Variants in JAK1 observed in about 807,000 individuals in gnomAD.
JAK1 encodes Janus kinase 1, also known as tyrosine-protein kinase JAK1.
JAK1 carries 16 observed loss-of-function variants against 136.6 expected under a neutral mutation model. The observed-to-expected ratio is 0.12, with a 90% CI of 0.08 to 0.18. JAK1 has a LOEUF of 0.18. JAK1 is among the 10% of genes least tolerant of loss of function. The probability of loss-of-function intolerance (pLI) is 1.00; values close to 1 mark genes in which losing one functional copy is unlikely to be tolerated. For synonymous variants in JAK1, 492 were observed against 519.5 expected (o/e 0.95, Z 0.72); for missense variants, 859 against 1,450.1 (o/e 0.59, Z 6.62).
intron 1 of JAK1, among the ~76,000 whole-genome samples, chr1:64,935,349 G>A (rs1157488016): frequency 6.6e-6 from 1 of 152,232 alleles, no homozygotes; most frequent in South Asian, 2.1e-4. Context: ...GCCCAGGCTA[G>A]AGTGCAATGG....
At chr1:64,877,632 A>G (rs1330620092) in intron 4 of JAK1, among the ~76,000 whole-genome samples, 1 of 152,202 alleles carries the variant, frequency 6.6e-6, no homozygotes, top group Non-Finnish European at 1.5e-5. Context: ...AAAAAAAATG[A>G]AAGAGTTGAA....
chr1:64,935,726 T>G (rs1569612151), intron 1 of JAK1, among the ~76,000 whole-genome samples: 1 of 152,252 alleles, frequency 6.6e-6, no homozygotes, highest in Non-Finnish European at 1.5e-5. Context: ...GACAGAATAC[T>G]TGATGTGCTA....
intron 2 of JAK1, among the ~76,000 whole-genome samples, chr1:64,996,183 A>G (rs541560621): frequency 6.6e-6 from 1 of 152,276 alleles, no homozygotes; most frequent in African/African-American, 2.4e-5. Flanking sequence ...CTTACCCCAC[A>G]TGCATTATCA....
At chr1:64,916,345 T>C (rs1358327306) in intron 1 of JAK1, among the ~76,000 whole-genome samples, 1 of 152,036 alleles carries the variant, frequency 6.6e-6, no homozygotes, top group Non-Finnish European at 1.5e-5. Context: ...AAAAAGATAA[T>C]AACAGAAATG....
chr1:64,956,518 T>C (rs1221984247), intron 1 of JAK1, among the ~76,000 whole-genome samples: 1 of 152,210 alleles, frequency 6.6e-6, no homozygotes, highest in Admixed American at 6.5e-5. Context: ...CAGGAGCCCT[T>C]CTCCCAACCC....
At chr1:65,032,786 T>G (rs1274262597) in intron 2 of JAK1, among the ~76,000 whole-genome samples, 1 of 152,214 alleles carries the variant, frequency 6.6e-6, no homozygotes, top group African/African-American at 2.4e-5. Context: ...TTTCTCTATG[T>G]TAGACTGCCC....
intron 1 of JAK1, among the ~76,000 whole-genome samples, chr1:64,931,490 C>T (rs974097788): frequency 4.6e-5 from 7 of 151,996 alleles, no homozygotes; most frequent in Non-Finnish European, 4.4e-5. Context: ...CAGCCCTCCC[C>T]AACCATGGCA....
chr1:64,910,704 A>G (rs1645269399), intron 1 of JAK1, among the ~76,000 whole-genome samples: 1 of 152,012 alleles, frequency 6.6e-6, no homozygotes, highest in African/African-American at 2.4e-5. Context: ...CATGGTGGCG[A>G]GCGCCTGTAG....
In JAK1 at chr1:65,047,072, C is replaced by T. The variant is rs191538742; in HGVS notation, c.-180-2490G>A. ...GGCATCTTGGCACATACCTGTAGTC[C>T]TAGTTACTTGGAGGCTGAGGCAAGA... On this transcript the variant is annotated intron_variant, in intron 1 of 25. Transcript: ENST00000671954. Among the ~76,000 whole-genome samples, 33 of 151,810 alleles carry T rather than the reference C, an allele frequency of 2.2e-4. No homozygotes were observed. In the East Asian group the frequency reaches 6.3e-3, roughly 29 times the overall value.
intron 5 of JAK1, among the ~76,000 whole-genome samples, chr1:64,873,032 G>C (rs1657168755): frequency 6.6e-6 from 1 of 152,006 alleles, no homozygotes; most frequent in African/African-American, 2.4e-5. Context: ...CAGCCCTGTT[G>C]AATTACATCT....
At chr1:64,976,506 G>T (rs1646498659) in intron 2 of JAK1, among the ~76,000 whole-genome samples, 1 of 152,074 alleles carries the variant, frequency 6.6e-6, no homozygotes, top group Non-Finnish European at 1.5e-5. Flanking sequence ...ACTTCCAATT[G>T]GTCTCCATTC....
chr1:64,937,736 A>G (rs1385341656), intron 1 of JAK1, among the ~76,000 whole-genome samples: 1 of 152,206 alleles, frequency 6.6e-6, no homozygotes, highest in East Asian at 1.9e-4. Flanking sequence ...CCTTAAAGCG[A>G]GGTCAAACTG....
At chr1:64,899,750 A>G (rs1645076386) in intron 1 of JAK1, among the ~76,000 whole-genome samples, 1 of 152,224 alleles carries the variant, frequency 6.6e-6, no homozygotes, top group Admixed American at 6.5e-5. Context: ...GGGGATACTC[A>G]TCTGTACAAC....
intron 2 of JAK1, among the ~76,000 whole-genome samples, chr1:64,982,890 C>A (rs11208562): frequency 0.15 from 23,433 of 151,760 alleles, 2,360 homozygotes; most frequent in African/African-American, 0.27. Flanking sequence ...AATGAGAAAA[C>A]AACTTCCCTG....
At chr1:65,044,626 G>A (rs1448149857) in intron 1 of JAK1, among the ~76,000 whole-genome samples, 1 of 152,198 alleles carries the variant, frequency 6.6e-6, no homozygotes, top group Non-Finnish European at 1.5e-5. Context: ...TTGGGAAGTG[G>A]AGCCTGAAAG....
At chr1:64,869,636 G>A (rs1187536957) in intron 5 of JAK1, among the ~76,000 whole-genome samples, 162 bp from the exon 6 acceptor site, 1 of 152,196 alleles carries the variant, frequency 6.6e-6, no homozygotes, top group Non-Finnish European at 1.5e-5. Context: ...AGTTGGGTGT[G>A]AAGGGGCTCA....
intron 2 of JAK1, among the ~76,000 whole-genome samples, chr1:64,996,168 T>G (rs1265313050): frequency 6.6e-6 from 1 of 152,234 alleles, no homozygotes; most frequent in Non-Finnish European, 1.5e-5. Context: ...AATTTCTCCC[T>G]TATTCTTACC....
chr1:64,839,856 C>A, intron 19 of JAK1, 61 bp from the exon 20 acceptor site: 1 of 1,413,472 alleles, frequency 7.1e-7, no homozygotes, highest in Non-Finnish European at 9.5e-7. Context: ...ACGGAACACA[C>A]AGAAGTCTTG....
intron 20 of JAK1, among the ~76,000 whole-genome samples, chr1:64,838,927 C>T (rs570792725): frequency 3.8e-4 from 58 of 151,840 alleles, no homozygotes; most frequent in Middle Eastern, 3.4e-3. Flanking sequence ...GGGCGGATCA[C>T]GAGGTCAGGA....
Sources: allele counts gnomAD v4.1 joint callset (sites outside exome capture counted in the v4.1 genomes callset), GRCh38; gene constraint gnomAD v4.1.1; transcripts MANE v1.5; gene names NCBI Gene and HGNC (gene_info 2026-07-23, HGNC 2026-07-21).